Variants in CGGBP1 observed in about 807,000 individuals in gnomAD.
CGGBP1 encodes the protein CGG triplet repeat binding protein 1, also known as CGG triplet repeat-binding protein 1.
In CGGBP1, 4 loss-of-function variants were observed where a neutral mutation model predicts 11.4. The observed-to-expected ratio is 0.35, with a 90% CI of 0.17 to 0.80. The LOEUF (loss-of-function observed/expected upper bound fraction) is 0.80, where lower values mean the gene tolerates loss of function less well. CGGBP1 is among the 30% of genes least tolerant of loss of function. The pLI is 0.52. For missense variants in CGGBP1, 135 were observed against 202.1 expected, an observed-to-expected ratio of 0.67 and a Z score of 2.01; for synonymous variants, 76 against 74.1, an observed-to-expected ratio of 1.03 and a Z score of -0.13.
intron 2 of CGGBP1, among the ~76,000 whole-genome samples, chr3:88,109,142 A>AGTTGTGTGT (rs1553697146): frequency 7.0e-6 from 1 of 142,434 alleles, no homozygotes; most frequent in Non-Finnish European, 1.5e-5. Context: ...AGTGGGCACT[A>AGTTGTGTGT]GTGTGTGTGT....
intron 2 of CGGBP1, among the ~76,000 whole-genome samples, chr3:88,083,782 T>A (rs1462636091): frequency 2.0e-5 from 3 of 152,118 alleles, no homozygotes; most frequent in Non-Finnish European, 4.4e-5. Flanking sequence ...ATTATGTTAA[T>A]GGCAACCTAC....
chr3:88,089,603 A>G (rs1279185409), intron 2 of CGGBP1, among the ~76,000 whole-genome samples: 9 of 152,190 alleles, frequency 5.9e-5, no homozygotes, highest in South Asian at 2.1e-4. Context: ...TAGATGAGCT[A>G]ATGTCATCTA....
intron 2 of CGGBP1, among the ~76,000 whole-genome samples, chr3:88,130,921 A>T (rs533897455): frequency 6.6e-6 from 1 of 152,268 alleles, no homozygotes; most frequent in African/African-American, 2.4e-5. Context: ...TACCATGTAA[A>T]TTGGAATTTC....
intron 2 of CGGBP1, among the ~76,000 whole-genome samples, chr3:88,075,217 C>T (rs1423170608): frequency 1.3e-5 from 2 of 152,224 alleles, no homozygotes; most frequent in East Asian, 3.8e-4. Flanking sequence ...GGCACCACTT[C>T]TACTAGCTGT....
intron 2 of CGGBP1, among the ~76,000 whole-genome samples, chr3:88,135,713 T>C (rs1706736900): frequency 6.6e-6 from 1 of 152,112 alleles, no homozygotes; most frequent in African/African-American, 2.4e-5. Context: ...AGTCAAGTTT[T>C]ACTTGGGCCA....
upstream of CGGBP1, chr3:88,059,651 T>C: frequency 5.9e-6 from 6 of 1,011,118 alleles, no homozygotes; most frequent in East Asian, 5.5e-5. Context: ...CCTCCTCCAC[T>C]TATCCGGCTT....
At chr3:88,134,361 G>A (rs773584797) in intron 2 of CGGBP1, among the ~76,000 whole-genome samples, 1 of 151,926 alleles carries the variant, frequency 6.6e-6, no homozygotes, top group Non-Finnish European at 1.5e-5. Flanking sequence ...AGATTATGAT[G>A]CTTTGTACAC....
At chr3:88,132,237 G>GA (rs1045502605) in intron 2 of CGGBP1, among the ~76,000 whole-genome samples, 5 of 149,312 alleles carry the variant, frequency 3.3e-5, no homozygotes, top group East Asian at 3.9e-4. Context: ...GGTCAAGTTT[G>GA]AAAAAAAAAA....
At chr3:88,140,096 T>C (rs367766744) in intron 2 of CGGBP1, 26 of 1,613,728 alleles carry the variant, frequency 1.6e-5, no homozygotes, top group Non-Finnish European at 2.0e-5. Flanking sequence ...TTAATAGACA[T>C]AGCTATCCAA....
At chr3:88,059,177 A>G, upstream of CGGBP1, 1 of 1,419,222 alleles carries the variant, frequency 7.0e-7, no homozygotes, top group Non-Finnish European at 9.2e-7. Context: ...GCGGAGCCGG[A>G]AGTAGAGCCC....
intron 1 of CGGBP1, among the ~76,000 whole-genome samples, chr3:88,148,898 C>A (rs900974310): frequency 6.6e-6 from 1 of 152,164 alleles, no homozygotes; most frequent in Non-Finnish European, 1.5e-5. Context: ...GCCTCAGCAT[C>A]CCGAAGTGCT....
At chr3:88,060,550 G>T (rs1706814344), upstream of CGGBP1, among the ~76,000 whole-genome samples, 1 of 152,080 alleles carries the variant, frequency 6.6e-6, no homozygotes. Context: ...GGTGTATAGG[G>T]TTCAGATTCT....
chr3:88,091,488 T>C (rs1708627313), intron 2 of CGGBP1, among the ~76,000 whole-genome samples: 1 of 152,220 alleles, frequency 6.6e-6, no homozygotes, highest in Admixed American at 6.5e-5. Flanking sequence ...ATAATCTTTG[T>C]TAACTTTAGT....
rs1706491917 is a variant in CGGBP1, at chr3:88,054,310, A to G, written c.*1163T>C. ...TGGGCTAAGCTACTTGGATAACCTT[A>G]CAGGATAGTGAGGTTCAAACAGAGA... On this transcript the variant is annotated 3_prime_UTR_variant, in exon 4 of 4. Coordinates refer to ENST00000482016, the MANE Select transcript of CGGBP1 (RefSeq NM_001008390.2). 6.6e-6 allele frequency: 1 copy of G among 152,414 alleles called. No homozygotes were observed. Among genetic ancestry groups the G allele is most frequent in the Non-Finnish European group, 1.5e-5 (1 of 68,016 alleles). 9.4% of individuals were successfully genotyped at this position (152,414 alleles called of 1,614,324 possible). A position where few individuals can be genotyped will look rare whatever the true frequency, so the allele number is the denominator to read the frequency against.
At chr3:88,126,389 T>C (rs1172050729) in intron 2 of CGGBP1, 2 of 1,085,062 alleles carry the variant, frequency 1.8e-6, no homozygotes, top group East Asian at 3.0e-5. Flanking sequence ...ATGGGAGTGA[T>C]GTATTTTCAC....
At chr3:88,142,775 A>T (rs1465206375) in intron 1 of CGGBP1, 1 of 152,250 alleles carries the variant, frequency 6.6e-6, no homozygotes, top group Non-Finnish European at 1.5e-5. Flanking sequence ...TTTTATATGT[A>T]AAAGGAAGTA....
At chr3:88,059,417 C>G, upstream of CGGBP1, 1 of 1,527,938 alleles carries the variant, frequency 6.5e-7, no homozygotes, top group Non-Finnish European at 8.7e-7. Flanking sequence ...CTTAGAGCTG[C>G]GGGCGACGGC....
upstream of CGGBP1, among the ~76,000 whole-genome samples, chr3:88,061,289 A>G (rs182979255): frequency 5.3e-5 from 8 of 152,186 alleles, no homozygotes; most frequent in South Asian, 2.1e-4. Context: ...AACAAATGAC[A>G]AATTTAGCCT....
intron 2 of CGGBP1, among the ~76,000 whole-genome samples, chr3:88,075,576 G>T (rs561057642): frequency 6.6e-6 from 1 of 152,180 alleles, no homozygotes; most frequent in African/African-American, 2.4e-5. Flanking sequence ...CCTTTTCTTT[G>T]CTCTGCTTTT....
Sources: gnomAD v4.1 joint callset for allele counts (sites outside exome capture counted in the v4.1 genomes callset) on GRCh38, gnomAD v4.1.1 for gene constraint, MANE v1.5 for transcripts, NCBI Gene and HGNC (gene_info 2026-07-23, HGNC 2026-07-21) for gene names.